The following SLC10A7 variants were observed in gnomAD, a reference collection of about 807,000 sequenced individuals.
The protein encoded by SLC10A7 is sodium/bile acid cotransporter 7.
Under a neutral mutation model 43.2 loss-of-function variants are expected in SLC10A7, and 29 were observed. The ratio of observed to expected loss-of-function variants is 0.67; its 90% CI spans 0.50 to 0.92. The LOEUF is 0.92. SLC10A7 is among the 40% of genes least tolerant of loss of function. The pLI is 0.00. For synonymous variants in SLC10A7, 152 were observed against 144.8 expected, an observed-to-expected ratio of 1.05 and a Z score of -0.35; for missense variants, 295 against 403.2, an observed-to-expected ratio of 0.73 and a Z score of 2.30.
intron 4 of SLC10A7, among the ~76,000 whole-genome samples, chr4:146,477,205 T>G (rs1363918407): frequency 6.6e-6 from 1 of 152,230 alleles, no homozygotes; most frequent in Non-Finnish European, 1.5e-5. Flanking sequence ...GCCAAGTTTA[T>G]ATTACTAGAT....
intron 4 of SLC10A7, among the ~76,000 whole-genome samples, chr4:146,448,014 C>T (rs921331673): frequency 1.3e-5 from 2 of 150,600 alleles, no homozygotes; most frequent in African/African-American, 4.9e-5. Context: ...GGGAATTGAA[C>T]AATGAGAACA....
At chr4:146,327,876 A>C (rs1020464783) in intron 5 of SLC10A7, among the ~76,000 whole-genome samples, 1 of 151,970 alleles carries the variant, frequency 6.6e-6, no homozygotes, top group East Asian at 1.9e-4. Flanking sequence ...CTCTGCCTGC[A>C]CTGGCACATG....
At chr4:146,393,378 C>A (rs1001650345) in intron 5 of SLC10A7, among the ~76,000 whole-genome samples, 2 of 151,964 alleles carry the variant, frequency 1.3e-5, no homozygotes. Flanking sequence ...GAAATATGTA[C>A]AAGATCACAG....
chr4:146,310,881 G>A (rs187509871), intron 6 of SLC10A7, among the ~76,000 whole-genome samples: 382 of 148,858 alleles, frequency 2.6e-3, no homozygotes, highest in Non-Finnish European at 4.4e-3. Context: ...GTGGTACAGT[G>A]TGAAACAGGG....
At chr4:146,370,229 C>A (rs765533313) in intron 5 of SLC10A7, among the ~76,000 whole-genome samples, 6 of 152,110 alleles carry the variant, frequency 3.9e-5, no homozygotes, top group Non-Finnish European at 8.8e-5. Flanking sequence ...ATCAGAGTAA[C>A]AAATTCCTTT....
chr4:146,427,035 T>C (rs1477798996), intron 5 of SLC10A7, among the ~76,000 whole-genome samples: 1 of 152,198 alleles, frequency 6.6e-6, no homozygotes, highest in African/African-American at 2.4e-5. Context: ...GCTATTTCTG[T>C]CTTTAGAAAA....
At chr4:146,406,115 C>T (rs1727666388) in intron 5 of SLC10A7, among the ~76,000 whole-genome samples, 2 of 152,092 alleles carry the variant, frequency 1.3e-5, no homozygotes, top group Non-Finnish European at 2.9e-5. Flanking sequence ...TACTTCCAGT[C>T]TGGGTTAGTT....
intron 3 of SLC10A7, among the ~76,000 whole-genome samples, chr4:146,508,980 C>G (rs954848113): frequency 2.0e-5 from 3 of 152,166 alleles, no homozygotes; most frequent in Non-Finnish European, 1.5e-5. Context: ...GGCTGCTTTA[C>G]TGACTGGAAA....
chr4:146,429,379 GTGATTTCTGTCTATTCATCTA>G (rs1412791800), intron 5 of SLC10A7, among the ~76,000 whole-genome samples: 1 of 152,108 alleles, frequency 6.6e-6, no homozygotes, highest in Non-Finnish European at 1.5e-5. Flanking sequence ...CATTCATTGG[GTGATTTCTGTCTATTCATCTA>G]ATATTTTTTG....
intron 5 of SLC10A7, among the ~76,000 whole-genome samples, chr4:146,392,216 T>C (rs1375066645): frequency 6.6e-6 from 1 of 152,214 alleles, no homozygotes; most frequent in African/African-American, 2.4e-5. Flanking sequence ...TATTATAAAG[T>C]CATTATGCAT....
chr4:146,390,162 C>T (rs559824065), intron 5 of SLC10A7, among the ~76,000 whole-genome samples: 3 of 152,240 alleles, frequency 2.0e-5, no homozygotes, highest in Admixed American at 1.3e-4. Flanking sequence ...AATCAGACAA[C>T]GAGCTCTTTA....
At position 146,509,802 on chromosome 4, in the gene SLC10A7, C is replaced by T. The variant is rs1328391903; in HGVS notation, c.320+111G>A. ...GGAAAACAAAGATGTGTTTTTACTT[C>T]CTTTTAAGATGGTACACATAAGCCC... On this transcript the variant is annotated intron_variant, in intron 3 of 11. Transcript: ENST00000335472. 4.2e-5 allele frequency: 39 copies of T among 931,054 alleles called. No homozygotes were observed. In the South Asian group the frequency reaches 9.4e-4, roughly 22 times the overall value. The allele number at this position is 931,054 out of a possible 1,614,324, so 57.7% of individuals were successfully genotyped here.
intron 5 of SLC10A7, among the ~76,000 whole-genome samples, chr4:146,399,463 A>G (rs1277277414): frequency 6.6e-6 from 1 of 152,160 alleles, no homozygotes; most frequent in Non-Finnish European, 1.5e-5. Context: ...CAATGTGTGG[A>G]GTCAAAATTT....
At chr4:146,265,885 C>T (rs1728518840) in intron 10 of SLC10A7, among the ~76,000 whole-genome samples, 1 of 152,166 alleles carries the variant, frequency 6.6e-6, no homozygotes, top group African/African-American at 2.4e-5. Context: ...AAAATGAGTA[C>T]TGAAGTATGG....
chr4:146,267,647 G>A (rs1318247701), intron 10 of SLC10A7, among the ~76,000 whole-genome samples: 1 of 152,098 alleles, frequency 6.6e-6, no homozygotes, highest in Non-Finnish European at 1.5e-5. Flanking sequence ...TCTTTGGTAG[G>A]ACCCCAGCAC....
intron 9 of SLC10A7, among the ~76,000 whole-genome samples, chr4:146,290,217 G>A (rs1314441630): frequency 6.6e-6 from 1 of 150,800 alleles, no homozygotes; most frequent in African/African-American, 2.4e-5. Context: ...CCAGCTACTT[G>A]GGAGGCTGAG....
Position 146,266,615 on chromosome 4 carries a change from G to A in SLC10A7, c.848-7778C>T, listed in dbSNP as rs146091160. Reference sequence around the variant, plus strand: ...GGTAAAACAAGGGCTTTGGAATTTGGTTAGAAAAGGCTTTCAGTTAGGACT... The same window carrying A: ...GGTAAAACAAGGGCTTTGGAATTTGATTAGAAAAGGCTTTCAGTTAGGACT... On this transcript the variant is annotated intron_variant, in intron 10 of 11. Coordinates refer to ENST00000335472, the MANE Select transcript of SLC10A7 (RefSeq NM_001029998.6). 6.6e-3 allele frequency among the ~76,000 whole-genome samples: 1,000 copies of A among 152,294 alleles called. 3 individuals carry two copies. Among genetic ancestry groups the A allele is most frequent in the Admixed American group, 0.01 (160 of 15,296 alleles).
At chr4:146,383,855 A>T (rs1347879100) in intron 5 of SLC10A7, among the ~76,000 whole-genome samples, 1 of 152,184 alleles carries the variant, frequency 6.6e-6, no homozygotes, top group Non-Finnish European at 1.5e-5. Context: ...GTAGCTACTA[A>T]TTAGATGTCA....
intron 4 of SLC10A7, among the ~76,000 whole-genome samples, chr4:146,469,263 G>T (rs1213519654): frequency 6.6e-6 from 1 of 152,186 alleles, no homozygotes; most frequent in African/African-American, 2.4e-5. Context: ...AGGCACAAAT[G>T]GTTGGTGAAG....
Sources: gnomAD v4.1 joint callset for allele counts (sites outside exome capture counted in the v4.1 genomes callset) on GRCh38, gnomAD v4.1.1 for gene constraint, MANE v1.5 for transcripts, NCBI Gene and HGNC (gene_info 2026-07-23, HGNC 2026-07-21) for gene names.